ZNF227: variants seen among roughly 807,000 people sequenced by gnomAD.
The protein encoded by ZNF227 is zinc finger protein 227.
A neutral mutation model predicts 13.2 loss-of-function variants in ZNF227; 12 were observed. The observed-to-expected ratio is 0.91, with a 90% confidence interval of 0.58 to 1.47. The LOEUF is 1.47. Among genes scored for constraint, ZNF227 ranks in the 40% most tolerant of loss-of-function variants. The probability of loss-of-function intolerance (pLI) is 0.00; values close to 1 mark genes in which losing one functional copy is unlikely to be tolerated. For missense variants in ZNF227, 885 were observed against 967.5 expected, an observed-to-expected ratio of 0.91 and a Z score of 1.13; for synonymous variants, 338 against 326.0, an observed-to-expected ratio of 1.04 and a Z score of -0.40.
At chr19:44,212,623 C>G (rs1971449723) in intron 1 of ZNF227, 38 bp downstream of exon 1, 2 of 152,078 alleles carry the variant, frequency 1.3e-5, no homozygotes, top group South Asian at 4.1e-4. Context: ...CCTCTTGAAC[C>G]TTTTCAGCCT....
At chr19:44,229,296 G>C (rs1347403524) in intron 4 of ZNF227, among the ~76,000 whole-genome samples, 3 of 152,092 alleles carry the variant, frequency 2.0e-5, no homozygotes, top group Non-Finnish European at 4.4e-5. Context: ...TATAGTTCAT[G>C]ATCTTAAAAC....
Position 44,235,401 on chromosome 19 carries a change from A to T in ZNF227, c.971A>T (p.Tyr324Phe). Reference sequence around the variant, plus strand: ...TCTAATCATACAGGAGAGAAGTCTTATAGATGCGACAGTTGCGGCAAGGGA... The same window carrying T: ...TCTAATCATACAGGAGAGAAGTCTTTTAGATGCGACAGTTGCGGCAAGGGA... ...YQSNHTGEKS[Y>F]RCDSCGKGFS... The change falls in exon 6 of 6, where the codon TAT (tyrosine) becomes TTT (phenylalanine). Residue 324 changes from tyrosine (Y) to phenylalanine (F), a missense_variant. Coordinates refer to ENST00000313040, the MANE Select transcript of ZNF227 (RefSeq NM_182490.3). The T allele has an allele frequency of 6.2e-7, 1 of 1,614,202 alleles. No individual in the cohort carries two copies.
chr19:44,225,002 T>G (rs573877105), intron 3 of ZNF227, among the ~76,000 whole-genome samples: 2 of 152,014 alleles, frequency 1.3e-5, no homozygotes, highest in Admixed American at 6.6e-5. Flanking sequence ...GTCTGTAAAG[T>G]ATTTTATTTC....
rs987677537 is a variant in ZNF227 at position 44,214,804 on chromosome 19, T to A, written c.-3+1560T>A. The stretch of plus-strand genomic sequence containing the variant: ...TCCACCCCACTTTTTTTTTTTTTTT[T>A]AAATTAGAGTGTCTTAAAGCAGGAG... On this transcript the variant is annotated intron_variant, in intron 2 of 5. Coordinates refer to ENST00000313040, the MANE Select transcript of ZNF227 (RefSeq NM_182490.3). Among the ~76,000 whole-genome samples, 281 of 145,174 alleles carry A rather than the reference T, an allele frequency of 1.9e-3. 2 individuals carry two copies. Among genetic ancestry groups the A allele is most frequent in the African/African-American group, 6.9e-3 (250 of 36,496 alleles).
At chr19:44,226,076 G>C (rs979773743) in intron 3 of ZNF227, among the ~76,000 whole-genome samples, 2 of 152,218 alleles carry the variant, frequency 1.3e-5, no homozygotes, top group African/African-American at 4.8e-5. Context: ...CTGCAGAACA[G>C]CGGTGGCTGT....
Position 44,235,899 on chromosome 19 carries a change from A to T in ZNF227, c.1469A>T (p.Lys490Ile). 1 of 1,614,190 alleles carries T rather than the reference A, an allele frequency of 6.2e-7. No individual in the cohort carries two copies. The highest frequency in any genetic ancestry group is 8.5e-7 in the Non-Finnish European group (1 of 1,180,022). The change falls in exon 6 of 6, where the codon AAA becomes ATA. Residue 490 changes from lysine to isoleucine, a missense_variant. By Grantham distance (102) the Lys-to-Ile change is moderately radical. Transcript: ENST00000313040. ...CATTTCAGAGTTCACACGGGAGAGA[A>T]ACCCTATAAATGTAAGGAGTGTGGT... is the stretch of plus-strand genomic sequence containing the variant. ...HIHFRVHTGE[K>I]PYKCKECGKG...
At chr19:44,233,896 T>TAA (rs145537878) in intron 5 of ZNF227, among the ~76,000 whole-genome samples, 1 of 150,256 alleles carries the variant, frequency 6.7e-6, no homozygotes, top group Non-Finnish European at 1.5e-5. Flanking sequence ...CGCTGTTTTT[T>TAA]AAAAAAAAAA....
Position 44,236,759 on chromosome 19 carries a change from T to C in ZNF227, c.2329T>C (p.Cys777Arg), listed in dbSNP as rs1313984260. 1 of 1,613,662 alleles carries C rather than the reference T, an allele frequency of 6.2e-7. No homozygotes were observed. Among genetic ancestry groups the C allele is most frequent in the Non-Finnish European group, 8.5e-7 (1 of 1,179,798 alleles). The change falls in exon 6 of 6, where the codon TGT (cysteine) becomes CGT (arginine). Residue 777 changes from cysteine to arginine, a missense_variant. By Grantham distance (180) the Cys-to-Arg change is radical. Coordinates refer to ENST00000313040, the MANE Select transcript of ZNF227 (RefSeq NM_182490.3). Reference sequence around the variant, plus strand: ...AGAAAAACCATACAAATGTGACATATGTGATAAGGACTTCCGTCACCGTTC... The same window carrying C: ...AGAAAAACCATACAAATGTGACATACGTGATAAGGACTTCCGTCACCGTTC... ...TGEKPYKCDI[C>R]DKDFRHRSRL... is the part of the protein sequence containing the mutation.
chr19:44,229,872 A>C (rs1026654082), intron 5 of ZNF227, 56 bp downstream of exon 5: 3 of 1,289,614 alleles, frequency 2.3e-6, no homozygotes, highest in Admixed American at 4.4e-5. Context: ...GTTAGTCTGC[A>C]TCTTACCATG....
At chr19:44,223,536 T>C (rs1163181905) in intron 3 of ZNF227, among the ~76,000 whole-genome samples, 1 of 152,252 alleles carries the variant, frequency 6.6e-6, no homozygotes, top group Non-Finnish European at 1.5e-5. Flanking sequence ...TTCTAGATTT[T>C]CTAATTTATT....
At chr19:44,210,612 G>A (rs1197990777), upstream of ZNF227, among the ~76,000 whole-genome samples, 1 of 152,198 alleles carries the variant, frequency 6.6e-6, no homozygotes, top group Non-Finnish European at 1.5e-5. Context: ...AGAGTAGCAG[G>A]TTATGACAGA....
chr19:44,221,606 GTTGT>G (rs914124634), intron 3 of ZNF227, among the ~76,000 whole-genome samples: 3 of 152,182 alleles, frequency 2.0e-5, no homozygotes, highest in African/African-American at 7.2e-5. Context: ...TTTTGATGGG[GTTGT>G]TTGCTTTTTT....
intron 5 of ZNF227, among the ~76,000 whole-genome samples, chr19:44,234,049 C>A (rs1974146180): frequency 6.6e-6 from 1 of 152,164 alleles, no homozygotes; most frequent in Non-Finnish European, 1.5e-5. Flanking sequence ...GAGGAAGTTT[C>A]CAAGCTGAAC....
intron 3 of ZNF227, 31 bp from the exon 4 acceptor site, chr19:44,228,415 A>C: frequency 6.3e-7 from 1 of 1,592,822 alleles, no homozygotes; most frequent in Non-Finnish European, 8.5e-7. Flanking sequence ...GTTGGTTGTA[A>C]GATTGAGGTT....
intron 3 of ZNF227, among the ~76,000 whole-genome samples, chr19:44,221,372 G>A (rs1002285708): frequency 1.3e-5 from 2 of 152,084 alleles, no homozygotes; most frequent in African/African-American, 4.8e-5. Flanking sequence ...GTTTACAGTC[G>A]CACCAGCAGT....
At position 44,234,776 on chromosome 19, in the gene ZNF227, T is replaced by C. The variant is rs752553238; in HGVS notation, c.346T>C (p.Cys116Arg). The C allele has an allele frequency of 1.8e-5, 29 of 1,613,502 alleles. No individual in the cohort carries two copies. Among genetic ancestry groups the C allele is most frequent in the Non-Finnish European group, 2.5e-5 (29 of 1,179,888 alleles). Residue 116 changes from cysteine to arginine, a missense_variant, in exon 6 of 6, where the codon TGC (cysteine) becomes CGC (arginine). Physicochemically the swap from Cys to Arg is radical, Grantham distance 180. Transcript: ENST00000313040. ...LKYLSNQELS[C>R]WQIWKQVASE... ...ATACCTTTCAAATCAAGAGCTGTCC[T>C]GCTGGCAAATCTGGAAACAGGTTGC...
intron 3 of ZNF227, among the ~76,000 whole-genome samples, chr19:44,219,759 T>TTTTA (rs370761338): frequency 0.019 from 2,838 of 149,412 alleles, 58 homozygotes; most frequent in African/African-American, 0.05. Flanking sequence ...GTTGATTTTC[T>TTTTA]TTTATTTATT....
Position 44,236,278 on chromosome 19 carries a change from C to T in ZNF227, c.1848C>T (p.Ala616=), listed in dbSNP as rs747927301. 8.7e-6 allele frequency: 14 copies of T among 1,613,278 alleles called. No individual in the cohort carries two copies. In the South Asian group the frequency reaches 1.5e-4, roughly 18 times the overall value. Residue 616 remains alanine (A), a synonymous_variant, in exon 6 of 6, where the codon GCC becomes GCT. Transcript: ENST00000313040. Reference sequence around the variant, plus strand: ...AGTGTGATAAGAGCTTCAGTCAGGCCATAGATTTTCGGGTACATCAGAGAG... The same window carrying T: ...AGTGTGATAAGAGCTTCAGTCAGGCTATAGATTTTCGGGTACATCAGAGAG... ...CEQCDKSFSQ[A]IDFRVHQRVH...
rs1974485099 is a variant in ZNF227, at chr19:44,236,256, G to A, written c.1826G>A (p.Cys609Tyr). ...GAAAAACCCTATAAATGTGAGCAGT[G>A]TGATAAGAGCTTCAGTCAGGCCATA... ...SGEKPYKCEQ[C>Y]DKSFSQAIDF... The change falls in exon 6 of 6, where the codon TGT (cysteine) becomes TAT (tyrosine). Residue 609 changes from cysteine (C) to tyrosine (Y), a missense_variant. By Grantham distance (194) the Cys-to-Tyr change is radical. Transcript: ENST00000313040. 6.2e-7 allele frequency: 1 copy of A among 1,614,126 alleles called. No individual in the cohort carries two copies. The highest frequency in any genetic ancestry group is 8.5e-7 in the Non-Finnish European group (1 of 1,180,026).
Sources: allele counts gnomAD v4.1 joint callset (sites outside exome capture counted in the v4.1 genomes callset), GRCh38; gene constraint gnomAD v4.1.1; transcripts MANE v1.5; gene names NCBI Gene and HGNC (gene_info 2026-07-23, HGNC 2026-07-21).